ANKS1B: variants seen among roughly 807,000 people sequenced by gnomAD.
ANKS1B encodes ankyrin repeat and sterile alpha motif domain-containing protein 1B.
ANKS1B carries 36 observed loss-of-function variants against 148.3 expected under a neutral mutation model. The observed-to-expected ratio is 0.24, with a 90% CI of 0.19 to 0.32. The LOEUF is 0.32. Ranked by LOEUF, ANKS1B falls within the 10% of genes least tolerant of loss-of-function variation. ANKS1B has a pLI of 1.00. For synonymous variants in ANKS1B, 542 were observed against 560.8 expected, an observed-to-expected ratio of 0.97 and a Z score of 0.47; for missense variants, 1,157 against 1,542.6, an observed-to-expected ratio of 0.75 and a Z score of 4.19.
intron 16 of ANKS1B, among the ~76,000 whole-genome samples, chr12:99,062,311 C>A (rs551155061): frequency 2.3e-4 from 35 of 152,284 alleles, no homozygotes; most frequent in Admixed American, 2.2e-3. Context: ...ATACTTGGCA[C>A]ACAGAAGCAC....
intron 12 of ANKS1B, among the ~76,000 whole-genome samples, chr12:99,338,955 G>A (rs1375095423): frequency 6.6e-6 from 1 of 152,146 alleles, no homozygotes; most frequent in Non-Finnish European, 1.5e-5. Flanking sequence ...TAAAGTGAAA[G>A]GAAGGAGTCT....
chr12:99,402,767 G>T (rs936410757), intron 11 of ANKS1B, among the ~76,000 whole-genome samples: 1 of 146,132 alleles, frequency 6.8e-6, no homozygotes, highest in Non-Finnish European at 1.5e-5. Flanking sequence ...TGTGAATAGT[G>T]CTGCAATGAA....
Position 99,084,999 on chromosome 12 carries a change from C to A in ANKS1B, c.2551G>T (p.Asp851Tyr). ...FMGSNVMEDQ[D>Y]LLEIGILNSG... Reference sequence around the variant, plus strand: ...TTAAGGATTCCAATTTCCAACAAATCCTGATCTTCCATAACATTGCTTCCC... The same window carrying A: ...TTAAGGATTCCAATTTCCAACAAATACTGATCTTCCATAACATTGCTTCCC... Residue 851 changes from aspartate (D) to tyrosine (Y), a missense_variant, in exon 16 of 27, where the codon GAT becomes TAT. Physicochemically the swap from Asp to Tyr is radical, Grantham distance 160. Coordinates refer to ENST00000683438, the MANE Select transcript of ANKS1B (RefSeq NM_001352186.2). 6.2e-7 allele frequency: 1 copy of A among 1,609,274 alleles called. No homozygotes were observed. The highest frequency in any genetic ancestry group is 8.5e-7 in the Non-Finnish European group (1 of 1,177,654).
intron 1 of ANKS1B, among the ~76,000 whole-genome samples, chr12:99,875,660 T>C (rs1337317893): frequency 6.6e-6 from 1 of 152,156 alleles, no homozygotes; most frequent in African/African-American, 2.4e-5. Context: ...CAAATTTCAG[T>C]GATTGGATTT....
intron 1 of ANKS1B, among the ~76,000 whole-genome samples, chr12:99,842,202 T>C (rs989788366): frequency 2.0e-5 from 3 of 152,164 alleles, no homozygotes; most frequent in Non-Finnish European, 2.9e-5. Context: ...TTTTGTGTCC[T>C]TTTTACTCTG....
intron 15 of ANKS1B, among the ~76,000 whole-genome samples, chr12:99,138,935 CTCTT>C (rs920112095): frequency 4.1e-4 from 60 of 147,220 alleles, no homozygotes; most frequent in East Asian, 2.3e-3. Context: ...CTCCCTTTCT[CTCTT>C]TCTTTTTCTT....
At chr12:99,471,567 G>C (rs756327913) in intron 10 of ANKS1B, among the ~76,000 whole-genome samples, 26 of 151,774 alleles carry the variant, frequency 1.7e-4, no homozygotes, top group Non-Finnish European at 1.2e-4. Context: ...CACACCACTT[G>C]GCAACTCTGA....
At chr12:99,292,408 G>T (rs2080139591) in intron 12 of ANKS1B, among the ~76,000 whole-genome samples, 1 of 151,220 alleles carries the variant, frequency 6.6e-6, no homozygotes, top group Admixed American at 6.6e-5. Context: ...TGTAGTCCCA[G>T]CTACTCAGGA....
At chr12:99,280,840 ATCTCTCTCTCTC>A (rs142595888) in intron 12 of ANKS1B, among the ~76,000 whole-genome samples, 2 of 144,432 alleles carry the variant, frequency 1.4e-5, no homozygotes, top group African/African-American at 5.1e-5. Flanking sequence ...CTTATAATAA[ATCTCTCTCTCTC>A]TCTCTCTCTC....
intron 16 of ANKS1B, among the ~76,000 whole-genome samples, chr12:99,078,585 C>A (rs2048594088): frequency 2.0e-5 from 3 of 152,074 alleles, no homozygotes; most frequent in Admixed American, 2.0e-4. Flanking sequence ...TGACTGTGAA[C>A]AATACAGTCC....
At chr12:99,037,243 G>A (rs372697355) in intron 17 of ANKS1B, among the ~76,000 whole-genome samples, 14 of 152,140 alleles carry the variant, frequency 9.2e-5, no homozygotes, top group Non-Finnish European at 1.8e-4. Flanking sequence ...ATGGCCAGGC[G>A]CTGTGGCTCA....
At chr12:98,740,969 C>G (rs925453577), downstream of ANKS1B, among the ~76,000 whole-genome samples, 8 of 152,192 alleles carry the variant, frequency 5.3e-5, no homozygotes, top group South Asian at 2.1e-4. Context: ...AGGCTAAAAG[C>G]CACTTCCAAA....
In ANKS1B at chr12:99,667,331, A is replaced by G. The variant is rs1188931071; in HGVS notation, c.1129-12121T>C. Among the ~76,000 whole-genome samples, 10 of 147,678 alleles carry G rather than the reference A, an allele frequency of 6.8e-5. No individual in the cohort carries two copies. In the Admixed American group the frequency reaches 6.9e-4, roughly 10 times the overall value. ...GCCACCACACTCCAGTCTGGGTGAC[A>G]GAGCGAGACTCTGTCTCAAAAAAAA... On this transcript the variant is annotated intron_variant, in intron 8 of 26. Coordinates refer to ENST00000683438, the MANE Select transcript of ANKS1B (RefSeq NM_001352186.2).
At chr12:99,279,300 G>C (rs761196606) in intron 12 of ANKS1B, among the ~76,000 whole-genome samples, 172 of 152,212 alleles carry the variant, frequency 1.1e-3, no homozygotes, top group Middle Eastern at 6.8e-3. Flanking sequence ...ATAAGGAAAA[G>C]GGCTATTGAG....
chr12:99,010,672 C>T (rs1201543562), intron 17 of ANKS1B, among the ~76,000 whole-genome samples: 2 of 151,862 alleles, frequency 1.3e-5, no homozygotes, highest in African/African-American at 2.4e-5. Flanking sequence ...ATGTTACTTA[C>T]ACAGTTCTCT....
intron 8 of ANKS1B, among the ~76,000 whole-genome samples, chr12:99,755,108 G>A (rs1399915800): frequency 6.6e-6 from 1 of 151,398 alleles, no homozygotes; most frequent in Non-Finnish European, 1.5e-5. Context: ...AAATAGCTAA[G>A]CTAATAAAGA....
At chr12:98,809,862 A>C (rs551600641) in intron 19 of ANKS1B, among the ~76,000 whole-genome samples, 7 of 152,144 alleles carry the variant, frequency 4.6e-5, no homozygotes, top group Non-Finnish European at 1.0e-4. Flanking sequence ...CATGGTTTAG[A>C]CACAACAACT....
intron 1 of ANKS1B, among the ~76,000 whole-genome samples, chr12:99,877,942 C>T (rs1354239982): frequency 3.3e-5 from 5 of 152,092 alleles, no homozygotes; most frequent in African/African-American, 1.2e-4. Context: ...CTCCTGTAGT[C>T]CCAGCTACAT....
At chr12:99,802,785 T>A (rs2067110971) in intron 4 of ANKS1B, among the ~76,000 whole-genome samples, 1 of 151,918 alleles carries the variant, frequency 6.6e-6, no homozygotes, top group Non-Finnish European at 1.5e-5. Flanking sequence ...CATCAGCACA[T>A]GCCTATAGTC....
Sources: gnomAD v4.1 joint callset for allele counts (sites outside exome capture counted in the v4.1 genomes callset) on GRCh38, gnomAD v4.1.1 for gene constraint, MANE v1.5 for transcripts, NCBI Gene and HGNC (gene_info 2026-07-23, HGNC 2026-07-21) for gene names.